PLXNA4: variants seen among roughly 807,000 people sequenced by gnomAD.
PLXNA4 encodes plexin A4.
In PLXNA4, 44 loss-of-function variants were observed where a neutral mutation model predicts 191.8. That is an observed-to-expected ratio of 0.23 (90% CI 0.18 to 0.29). The LOEUF (loss-of-function observed/expected upper bound fraction) is 0.29. Among genes scored for constraint, PLXNA4 ranks in the 10% least tolerant of loss-of-function variants. The pLI is 1.00. For synonymous variants in PLXNA4, 1,082 were observed against 1,009.5 expected, an observed-to-expected ratio of 1.07 and a Z score of -1.36; for missense variants, 1,800 against 2,488.8, an observed-to-expected ratio of 0.72 and a Z score of 5.89.
At chr7:132,306,699 C>T (rs1801535411) in intron 3 of PLXNA4, among the ~76,000 whole-genome samples, 1 of 152,162 alleles carries the variant, frequency 6.6e-6, no homozygotes, top group Admixed American at 6.5e-5. Context: ...GATTCTGGGT[C>T]TGAGTTGCCA....
chr7:132,486,603 C>T (rs751566906), intron 3 of PLXNA4, among the ~76,000 whole-genome samples: 2 of 152,194 alleles, frequency 1.3e-5, no homozygotes, highest in East Asian at 1.9e-4. Flanking sequence ...CCGGGAGGAC[C>T]GAAGGCTCAT....
intron 3 of PLXNA4, among the ~76,000 whole-genome samples, chr7:132,487,968 A>G (rs1797628261): frequency 6.6e-6 from 1 of 152,224 alleles, no homozygotes; most frequent in Non-Finnish European, 1.5e-5. Flanking sequence ...TGTGTACACA[A>G]TGATTTTGCT....
chr7:132,528,203 A>T (rs1799482867), intron 1 of PLXNA4, among the ~76,000 whole-genome samples: 1 of 152,126 alleles, frequency 6.6e-6, no homozygotes. Context: ...CCAGCCAGGG[A>T]GGGAGAGTTG....
At chr7:132,640,786 AAG>A (rs533035263) in intron 2 of PLXNA4, among the ~76,000 whole-genome samples, 27,459 of 129,766 alleles carry the variant, frequency 0.21, 3,207 homozygotes, top group African/African-American at 0.36. Flanking sequence ...AAAAAAAAAA[AAG>A]GGGGGGGCCC....
chr7:132,131,366 T>C (rs1794920715), intron 31 of PLXNA4, among the ~76,000 whole-genome samples: 3 of 152,176 alleles, frequency 2.0e-5, no homozygotes, highest in Non-Finnish European at 4.4e-5. Flanking sequence ...ACTGTTAATG[T>C]AGGAATGACT....
chr7:132,598,840 G>A (rs77154390), intron 2 of PLXNA4, among the ~76,000 whole-genome samples: 2,975 of 152,164 alleles, frequency 0.02, 88 homozygotes, highest in African/African-American at 0.066. Flanking sequence ...TTAAAATTCC[G>A]TTTAAGAAGT....
chr7:132,349,213 C>T (rs1803380739), intron 3 of PLXNA4, among the ~76,000 whole-genome samples: 1 of 152,140 alleles, frequency 6.6e-6, no homozygotes, highest in Non-Finnish European at 1.5e-5. Flanking sequence ...TTTAACAGCA[C>T]CTTTCAACCC....
rs1194468194 is a variant in PLXNA4 at position 132,140,745 on chromosome 7, G to A, written c.5292C>T (p.Asn1764=). The A allele has an allele frequency of 6.2e-7, 1 of 1,614,020 alleles. No homozygotes were observed. The change falls in exon 30 of 32, where the codon AAC becomes AAT. Residue 1764 remains asparagine, a synonymous_variant. Transcript: ENST00000321063. ...NPQFVFDIHK[N]SITDACLSVV... The stretch of plus-strand genomic sequence containing the variant: ...CAGAGAGGCAGGCGTCTGTGATGCT[G>A]TTCTTATGGATGTCAAACACAAACT...
At chr7:132,250,395 C>T (rs1277706491) in intron 4 of PLXNA4, among the ~76,000 whole-genome samples, 1 of 152,212 alleles carries the variant, frequency 6.6e-6, no homozygotes, top group South Asian at 2.1e-4. Context: ...AATGTGGTTC[C>T]TATTACACTT....
chr7:132,283,476 T>C (rs1040059292), intron 4 of PLXNA4, among the ~76,000 whole-genome samples: 6 of 152,196 alleles, frequency 3.9e-5, no homozygotes, highest in African/African-American at 1.4e-4. Context: ...AAACATCAGT[T>C]AGTCTCAAAG....
chr7:132,133,209 G>A lies in PLXNA4; in HGVS notation c.5439-10C>T, dbSNP rs1795019263. On this transcript the variant is annotated splice_polypyrimidine_tract_variant and intron_variant, in intron 30 of 31. Transcript: ENST00000321063. ...TATGTCTGAGTAATACCTGTGGAGG[G>A]ATGGAAATAGGGAGAAGCTGAAGTC... is the stretch of plus-strand genomic sequence containing the variant. The A allele has an allele frequency of 1.9e-6, 3 of 1,613,698 alleles. No homozygotes were observed. In the East Asian group the frequency reaches 6.7e-5, roughly 36 times the overall value.
chr7:132,354,107 C>T (rs79204387), intron 3 of PLXNA4, among the ~76,000 whole-genome samples: 3 of 152,082 alleles, frequency 2.0e-5, no homozygotes, highest in Admixed American at 1.3e-4. Context: ...ACTGTCCTGG[C>T]GGGTTTGGAT....
intron 3 of PLXNA4, among the ~76,000 whole-genome samples, chr7:132,298,652 T>C (rs1801195588): frequency 6.6e-6 from 1 of 152,260 alleles, no homozygotes; most frequent in African/African-American, 2.4e-5. Flanking sequence ...AGTGTAAGGA[T>C]GGGAACTGCT....
chr7:132,502,670 G>A (rs1228571358), intron 2 of PLXNA4, among the ~76,000 whole-genome samples: 3 of 152,120 alleles, frequency 2.0e-5, no homozygotes, highest in African/African-American at 7.2e-5. Context: ...TGAGAATTAG[G>A]ATACAGAACA....
chr7:132,590,330 G>A (rs1158167242), intron 2 of PLXNA4, among the ~76,000 whole-genome samples: 1 of 152,190 alleles, frequency 6.6e-6, no homozygotes, highest in Non-Finnish European at 1.5e-5. Context: ...ATTAGTCAGG[G>A]TTCTCCAGCG....
At chr7:132,336,080 T>A (rs1802804950) in intron 3 of PLXNA4, among the ~76,000 whole-genome samples, 1 of 152,192 alleles carries the variant, frequency 6.6e-6, no homozygotes, top group African/African-American at 2.4e-5. Context: ...CTGCTTGCCC[T>A]ACCATGGATG....
At chr7:132,283,538 G>C (rs1800566211) in intron 4 of PLXNA4, among the ~76,000 whole-genome samples, 1 of 152,210 alleles carries the variant, frequency 6.6e-6, no homozygotes, top group Non-Finnish European at 1.5e-5. Flanking sequence ...GATTGATGAA[G>C]AGAACACTCC....
chr7:132,401,918 G>A (rs547452575), intron 3 of PLXNA4, among the ~76,000 whole-genome samples: 1 of 152,152 alleles, frequency 6.6e-6, no homozygotes, highest in Non-Finnish European at 1.5e-5. Flanking sequence ...CAAAAGAGGG[G>A]GAGGCTGGAG....
chr7:132,562,217 TC>T (rs1801201576), intron 1 of PLXNA4, among the ~76,000 whole-genome samples: 3 of 68,412 alleles, frequency 4.4e-5, no homozygotes, highest in Admixed American at 1.5e-4. Flanking sequence ...TCCTCCTCCT[TC>T]TCTTCCTCTT....
Sources: gnomAD v4.1 joint callset for allele counts (sites outside exome capture counted in the v4.1 genomes callset) on GRCh38, gnomAD v4.1.1 for gene constraint, MANE v1.5 for transcripts, NCBI Gene and HGNC (gene_info 2026-07-23, HGNC 2026-07-21) for gene names.